The following PAX3 variants were observed in gnomAD, a reference collection of about 807,000 sequenced individuals.
The protein encoded by PAX3 is paired box protein Pax-3.
In PAX3, 14 loss-of-function variants were observed where a neutral mutation model predicts 51.6. That is an observed-to-expected ratio of 0.27 (90% CI 0.18 to 0.42). PAX3 has a LOEUF of 0.42. Among genes scored for constraint, PAX3 ranks in the 10% least tolerant of loss-of-function variants. The pLI is 1.00. For missense variants in PAX3, 540 were observed against 642.8 expected (o/e 0.84, Z 1.73); for synonymous variants, 280 against 253.4 (o/e 1.11, Z -1.00).
chr2:222,238,404 T>C (rs1474862469), intron 4 of PAX3, among the ~76,000 whole-genome samples: 1 of 152,186 alleles, frequency 6.6e-6, no homozygotes, highest in Non-Finnish European at 1.5e-5. Flanking sequence ...ATTATTGGTG[T>C]TCAGACAAAT....
intron 7 of PAX3, among the ~76,000 whole-genome samples, chr2:222,208,562 T>C (rs1277293877): frequency 4.6e-5 from 7 of 152,168 alleles, no homozygotes; most frequent in African/African-American, 1.4e-4. Flanking sequence ...ATTCATCACT[T>C]AACACACAGA....
intron 4 of PAX3, among the ~76,000 whole-genome samples, chr2:222,247,216 T>A (rs1021916385): frequency 2.0e-5 from 3 of 152,152 alleles, no homozygotes; most frequent in African/African-American, 7.2e-5. Flanking sequence ...TATTTTCTTC[T>A]TTCTGATAGA....
chr2:222,290,021 T>C (rs1694972624), intron 4 of PAX3, among the ~76,000 whole-genome samples: 1 of 152,146 alleles, frequency 6.6e-6, no homozygotes, highest in Non-Finnish European at 1.5e-5. Context: ...TACCCAATGA[T>C]TTTAATCTAT....
intron 4 of PAX3, among the ~76,000 whole-genome samples, chr2:222,243,407 G>A (rs1304557858): frequency 6.6e-6 from 1 of 152,168 alleles, no homozygotes; most frequent in Non-Finnish European, 1.5e-5. Context: ...CTGAGATGTG[G>A]CTGATACTGT....
At chr2:222,246,945 G>T (rs1174604297) in intron 4 of PAX3, among the ~76,000 whole-genome samples, 1 of 152,118 alleles carries the variant, frequency 6.6e-6, no homozygotes, top group Non-Finnish European at 1.5e-5. Flanking sequence ...ATGAAAATTT[G>T]CCAATTTCTC....
In PAX3 at chr2:222,295,639, C is replaced by T. The variant is rs763028698; in HGVS notation, c.340G>A (p.Val114Met). The change falls in exon 3 of 9, where the codon GTG (valine) becomes ATG (methionine). Residue 114 changes from valine to methionine, a missense_variant. Transcript: ENST00000392070. ...SKPKQVTTPDVEKKIEEYKRE... is the reference protein window; with the variant it reads ...SKPKQVTTPDMEKKIEEYKRE... ...TTGTATTCCTCAATTTTCTTCTCCA[C>T]GTCAGGCGTTGTCACCTGCTTTAAG... 6 of 1,614,212 alleles carry T rather than the reference C, an allele frequency of 3.7e-6. No individual in the cohort carries two copies. The highest frequency in any genetic ancestry group is 5.1e-6 in the Non-Finnish European group (6 of 1,180,046).
chr2:222,205,445 G>C (rs1691468837), intron 7 of PAX3, among the ~76,000 whole-genome samples: 1 of 152,080 alleles, frequency 6.6e-6, no homozygotes, highest in South Asian at 2.1e-4. Context: ...GGGGACCAGA[G>C]ACCAGTTATC....
chr2:222,256,675 T>C (rs1693658735), intron 4 of PAX3, among the ~76,000 whole-genome samples: 1 of 152,226 alleles, frequency 6.6e-6, no homozygotes. Context: ...TTAAAACTAA[T>C]ACTCTTTTAT....
At chr2:222,286,883 C>T (rs1381344304) in intron 4 of PAX3, among the ~76,000 whole-genome samples, 1 of 152,204 alleles carries the variant, frequency 6.6e-6, no homozygotes, top group Non-Finnish European at 1.5e-5. Flanking sequence ...TCATGATTTT[C>T]ATATCTCCCT....
Position 222,251,527 on chromosome 2 carries a change from G to A in PAX3, c.587-19244C>T, listed in dbSNP as rs540134105. On this transcript the variant is annotated intron_variant, in intron 4 of 8. Coordinates refer to ENST00000392070, the MANE Select transcript of PAX3 (RefSeq NM_181458.4). ...TCTATCATTGTTGGACATTTGGCTT[G>A]GTTCCAAGTCTTTGCTATTGTGAAT... 3.9e-5 allele frequency among the ~76,000 whole-genome samples: 6 copies of A among 152,214 alleles called. No individual in the cohort carries two copies. The East Asian group carries it at 1.2e-3, about 29-fold the overall frequency.
intron 7 of PAX3, among the ~76,000 whole-genome samples, chr2:222,207,401 A>T (rs904942658): frequency 2.0e-5 from 3 of 152,160 alleles, no homozygotes; most frequent in Non-Finnish European, 4.4e-5. Context: ...ATGTGTGGTG[A>T]CCTTCTCACC....
rs45586235 is a variant in PAX3 at position 222,275,312 on chromosome 2, T to C, written c.586+18855A>G. On this transcript the variant is annotated intron_variant, in intron 4 of 8. Transcript: ENST00000392070. Reference sequence around the variant, plus strand: ...TATTTTATGGCAATATTTGCTTACATGTGTTTCCACAAACCTATTTAAGAT... The same window carrying C: ...TATTTTATGGCAATATTTGCTTACACGTGTTTCCACAAACCTATTTAAGAT... Among the ~76,000 whole-genome samples, 589 of 152,324 alleles carry C rather than the reference T, an allele frequency of 3.9e-3. 5 individuals are homozygous for C. The highest frequency in any genetic ancestry group is 0.014 in the African/African-American group (567 of 41,582).
At chr2:222,239,482 T>A (rs1443318328) in intron 4 of PAX3, among the ~76,000 whole-genome samples, 1 of 152,132 alleles carries the variant, frequency 6.6e-6, no homozygotes, top group Non-Finnish European at 1.5e-5. Context: ...TTTTAATTTA[T>A]TTTAAAATTG....
chr2:222,296,902 G>C, intron 2 of PAX3, 76 bp downstream of exon 2: 2 of 1,228,818 alleles, frequency 1.6e-6, no homozygotes, highest in Non-Finnish European at 2.3e-6. Flanking sequence ...GATGTCAGCC[G>C]TTACCCCCCG....
At chr2:222,273,612 G>C (rs936445030) in intron 4 of PAX3, among the ~76,000 whole-genome samples, 5 of 152,140 alleles carry the variant, frequency 3.3e-5, no homozygotes, top group Non-Finnish European at 7.4e-5. Context: ...AAAAATGAAG[G>C]AATGCCAAAA....
At chr2:222,256,071 G>A (rs1192167428) in intron 4 of PAX3, among the ~76,000 whole-genome samples, 1 of 151,680 alleles carries the variant, frequency 6.6e-6, no homozygotes, top group Non-Finnish European at 1.5e-5. Flanking sequence ...GCCCAGCCCC[G>A]ATTATATTAT....
chr2:222,284,477 T>C (rs540684851), intron 4 of PAX3, among the ~76,000 whole-genome samples: 30 of 152,368 alleles, frequency 2.0e-4, no homozygotes, highest in African/African-American at 5.5e-4. Context: ...TGTTTTGACA[T>C]CTCAGCTAAT....
chr2:222,215,337 G>C (rs147922613), intron 7 of PAX3, among the ~76,000 whole-genome samples: 1 of 152,274 alleles, frequency 6.6e-6, no homozygotes, highest in Admixed American at 6.5e-5. Context: ...TGCAATGGTT[G>C]ATGAACCCTA....
chr2:222,208,873 A>C (rs1038346872), intron 7 of PAX3, among the ~76,000 whole-genome samples: 2 of 152,168 alleles, frequency 1.3e-5, no homozygotes, highest in Non-Finnish European at 2.9e-5. Flanking sequence ...ATGGCATTCA[A>C]AATTTTCTCT....
Sources: allele counts gnomAD v4.1 joint callset (sites outside exome capture counted in the v4.1 genomes callset), GRCh38; gene constraint gnomAD v4.1.1; transcripts MANE v1.5; gene names NCBI Gene and HGNC (gene_info 2026-07-23, HGNC 2026-07-21).